The following HS3ST3B1 variants were observed in gnomAD, a reference collection of about 807,000 sequenced individuals.
HS3ST3B1 encodes heparan sulfate glucosamine 3-O-sulfotransferase 3B1.
HS3ST3B1 carries 13 observed loss-of-function variants against 21.3 expected under a neutral mutation model. The observed-to-expected ratio is 0.61, with a 90% confidence interval of 0.40 to 0.97. The LOEUF (loss-of-function observed/expected upper bound fraction) is 0.97, where lower values mean the gene tolerates loss of function less well. Ranked by LOEUF, HS3ST3B1 falls within the 50% of genes least tolerant of loss-of-function variation. The pLI is 0.00. For missense variants in HS3ST3B1, 459 were observed against 554.8 expected (o/e 0.83, Z 1.73); for synonymous variants, 234 against 254.8 (o/e 0.92, Z 0.78).
chr17:14,335,390 A>G (rs1218422246), intron 1 of HS3ST3B1, among the ~76,000 whole-genome samples: 1 of 152,230 alleles, frequency 6.6e-6, no homozygotes, highest in Non-Finnish European at 1.5e-5. Flanking sequence ...GCAACAGTAA[A>G]TATATCAGTT....
intron 1 of HS3ST3B1, among the ~76,000 whole-genome samples, chr17:14,307,304 A>G (rs1031862744): frequency 9.9e-5 from 15 of 152,088 alleles, no homozygotes; most frequent in African/African-American, 3.4e-4. Flanking sequence ...ACAATTTAGC[A>G]TAGACTAGTA....
Position 14,347,616 on chromosome 17 carries a change from GA to G in HS3ST3B1, c.*1973del, listed in dbSNP as rs1276719797. ...AAGATGAAAAGATACTTCATTTTTAGAAACTGATCAGAGATGTCACTGGTCT... is the reference window on the plus strand; with the variant it reads ...AAGATGAAAAGATACTTCATTTTTAGAACTGATCAGAGATGTCACTGGTCT... On this transcript the variant is annotated 3_prime_UTR_variant, in exon 2 of 2. Transcript: ENST00000360954. The G allele has an allele frequency of 1.3e-5, 2 of 152,180 alleles. No individual in the cohort carries two copies. Among genetic ancestry groups the G allele is most frequent in the Non-Finnish European group, 2.9e-5 (2 of 68,030 alleles). The allele number at this position is 152,180 out of a possible 1,614,324, so 9.4% of individuals were successfully genotyped here.
chr17:14,337,457 A>G (rs985635323), intron 1 of HS3ST3B1, among the ~76,000 whole-genome samples: 7 of 150,552 alleles, frequency 4.6e-5, no homozygotes, highest in Non-Finnish European at 8.8e-5. Context: ...CCTCCTGAAT[A>G]GCTGGAATTA....
chr17:14,319,405 C>G (rs1909591455), intron 1 of HS3ST3B1, among the ~76,000 whole-genome samples: 1 of 152,160 alleles, frequency 6.6e-6, no homozygotes, highest in Non-Finnish European at 1.5e-5. Context: ...CATTTGGAAG[C>G]CAACAGTGGA....
intron 1 of HS3ST3B1, among the ~76,000 whole-genome samples, chr17:14,319,935 C>G (rs1183346782): frequency 3.9e-5 from 6 of 151,948 alleles, no homozygotes; most frequent in Admixed American, 3.3e-4. Flanking sequence ...CACCCTCCCC[C>G]CGAGTCCCCA....
In HS3ST3B1 at chr17:14,345,270, C is replaced by G. The variant is rs1019963091; in HGVS notation, c.797C>G (p.Thr266Arg). 8.2e-7 allele frequency: 1 copy of G among 1,222,390 alleles called. No homozygotes were observed. The highest frequency in any genetic ancestry group is 1.4e-5 in the South Asian group (1 of 72,852). The allele number at this position is 1,222,390 out of a possible 1,614,324, so 75.7% of individuals were successfully genotyped here. ...FKNRTAGLID[T>R]SWSAIQIGIY... ...AACAGGACAGCGGGCCTCATCGACA[C>G]GTCGTGGAGCGCCATCCAGATCGGC... The change falls in exon 2 of 2, where the codon ACG becomes AGG. Residue 266 changes from threonine to arginine, a missense_variant. By Grantham distance (71) the Thr-to-Arg change is moderately conservative. Transcript: ENST00000360954.
intron 1 of HS3ST3B1, among the ~76,000 whole-genome samples, chr17:14,323,008 C>T (rs551358821): frequency 1.2e-3 from 183 of 150,252 alleles, no homozygotes; most frequent in Admixed American, 2.2e-3. Flanking sequence ...TGGGTTCAAG[C>T]GATTCTCCTG....
Position 14,345,288 on chromosome 17 carries a change from A to G in HS3ST3B1, c.815A>G (p.Gln272Arg), listed in dbSNP as rs1315400513. 1.3e-5 allele frequency: 15 copies of G among 1,164,310 alleles called. No individual in the cohort carries two copies. In the East Asian group the frequency reaches 3.3e-4, roughly 26 times the overall value. The allele number at this position is 1,164,310 out of a possible 1,614,324, so 72.1% of individuals were successfully genotyped here. A position where few individuals can be genotyped will look rare whatever the true frequency, so the allele number is the denominator to read the frequency against. The change falls in exon 2 of 2, where the codon CAG (glutamine) becomes CGG (arginine). Residue 272 changes from glutamine to arginine, a missense_variant. Gln to Arg is a conservative substitution (Grantham distance 43). Transcript: ENST00000360954. ...GLIDTSWSAI[Q>R]IGIYAKHLEH... ...ATCGACACGTCGTGGAGCGCCATCC[A>G]GATCGGCATCTACGCCAAGCACCTG...
At chr17:14,333,125 A>T (rs187435698) in intron 1 of HS3ST3B1, among the ~76,000 whole-genome samples, 1 of 152,164 alleles carries the variant, frequency 6.6e-6, no homozygotes, top group Admixed American at 6.5e-5. Context: ...CTAAAGAGAG[A>T]TGGGATCTGT....
At chr17:14,343,968 C>T (rs1910472104) in intron 1 of HS3ST3B1, among the ~76,000 whole-genome samples, 1 of 151,010 alleles carries the variant, frequency 6.6e-6, no homozygotes. Flanking sequence ...ACCATCTCAA[C>T]TCACTGCAAC....
intron 1 of HS3ST3B1, among the ~76,000 whole-genome samples, chr17:14,306,027 G>A (rs1341115143): frequency 1.3e-5 from 2 of 152,132 alleles, no homozygotes; most frequent in East Asian, 1.9e-4. Flanking sequence ...ACACTTCCTC[G>A]CTTAAGTGAT....
intron 1 of HS3ST3B1, among the ~76,000 whole-genome samples, chr17:14,342,589 T>C (rs1910422421): frequency 6.6e-6 from 1 of 152,232 alleles, no homozygotes. Context: ...GTTAAGTATA[T>C]TCCATATGTC....
intron 1 of HS3ST3B1, among the ~76,000 whole-genome samples, chr17:14,342,875 A>G (rs1910430337): frequency 6.6e-6 from 1 of 152,218 alleles, no homozygotes; most frequent in South Asian, 2.1e-4. Flanking sequence ...CCTTTAAAAG[A>G]ATATATGTGA....
At chr17:14,318,537 C>G (rs740379) in intron 1 of HS3ST3B1, among the ~76,000 whole-genome samples, 1 of 151,928 alleles carries the variant, frequency 6.6e-6, no homozygotes, top group Non-Finnish European at 1.5e-5. Context: ...AGTTTGGGAA[C>G]CTTCCATGTT....
In HS3ST3B1 at chr17:14,302,011, G is replaced by A. The variant is rs1233672793; in HGVS notation, c.493G>A (p.Ala165Thr). ...TCTGCGCGTGCACCCCGACGTGCGC[G>A]CCGTGGGCGCCGAGCCCCATTTCTT... is the stretch of plus-strand genomic sequence containing the variant. ...EFLRVHPDVR[A>T]VGAEPHFFDR... Residue 165 changes from alanine (A) to threonine (T), a missense_variant, in exon 1 of 2, where the codon GCC becomes ACC. Ala to Thr is a moderately conservative substitution (Grantham distance 58). Coordinates refer to ENST00000360954, the MANE Select transcript of HS3ST3B1 (RefSeq NM_006041.3). 1 of 1,607,996 alleles carries A rather than the reference G, an allele frequency of 6.2e-7. No individual in the cohort carries two copies. Among genetic ancestry groups the A allele is most frequent in the Non-Finnish European group, 8.5e-7 (1 of 1,178,930 alleles).
intron 1 of HS3ST3B1, among the ~76,000 whole-genome samples, chr17:14,332,229 G>T (rs1910036128): frequency 6.6e-6 from 1 of 152,136 alleles, no homozygotes. Context: ...GAATACTTAA[G>T]GTTAGTACAT....
chr17:14,343,313 T>C (rs1910447792), intron 1 of HS3ST3B1, among the ~76,000 whole-genome samples: 1 of 152,106 alleles, frequency 6.6e-6, no homozygotes, highest in Non-Finnish European at 1.5e-5. Context: ...CACCAACTTA[T>C]CATTTTTTGT....
chr17:14,344,081 G>A (rs1910476432), intron 1 of HS3ST3B1, among the ~76,000 whole-genome samples: 1 of 151,972 alleles, frequency 6.6e-6, no homozygotes, highest in Non-Finnish European at 1.5e-5. Context: ...TTAGCTTTTA[G>A]TAGAGACGGG....
intron 1 of HS3ST3B1, among the ~76,000 whole-genome samples, chr17:14,343,432 C>A (rs1910452239): frequency 1.3e-5 from 2 of 152,144 alleles, no homozygotes; most frequent in Admixed American, 1.3e-4. Flanking sequence ...CAACTTATTT[C>A]TCCAGTCTAA....
Sources: allele counts gnomAD v4.1 joint callset (sites outside exome capture counted in the v4.1 genomes callset), GRCh38; gene constraint gnomAD v4.1.1; transcripts MANE v1.5; gene names NCBI Gene and HGNC (gene_info 2026-07-23, HGNC 2026-07-21).